LILRB5: variants seen among roughly 807,000 people sequenced by gnomAD.
LILRB5 encodes the protein leukocyte immunoglobulin-like receptor subfamily B member 5.
A neutral mutation model predicts 68.4 loss-of-function variants in LILRB5; 61 were observed. The ratio of observed to expected loss-of-function variants is 0.89; its 90% CI spans 0.73 to 1.10. The LOEUF (loss-of-function observed/expected upper bound fraction) is 1.10. Ranked by LOEUF, LILRB5 falls within the 50% of genes least tolerant of loss-of-function variation. The probability of loss-of-function intolerance (pLI) is 0.00; values close to 1 mark genes in which losing one functional copy is unlikely to be tolerated. For synonymous variants in LILRB5, 356 were observed against 315.8 expected (o/e 1.13, Z -1.35); for missense variants, 771 against 751.6 (o/e 1.03, Z -0.30).
chr19:54,252,182 G>A, intron 11 of LILRB5, 76 bp from the exon 12 acceptor site: 3 of 1,549,192 alleles, frequency 1.9e-6, no homozygotes, highest in Non-Finnish European at 2.7e-6. Flanking sequence ...CCCTTGCCCT[G>A]TTCCCACTAG....
In LILRB5 at chr19:54,256,277, T is replaced by C; in HGVS notation, c.421A>G (p.Thr141Ala). Residue 141 changes from threonine to alanine, a missense_variant, in exon 4 of 13, where the codon ACC becomes GCC. Physicochemically the swap from Thr to Ala is moderately conservative, Grantham distance 58. Coordinates refer to ENST00000449561, the MANE Select transcript of LILRB5 (RefSeq NM_001081442.3). Reference sequence around the variant, plus strand: ...CCGTCCAGTGTATCACACTGGAGGGTCACATTTCCTCCTGAGGCCACCACA... The same window carrying C: ...CCGTCCAGTGTATCACACTGGAGGGCCACATTTCCTCCTGAGGCCACCACA... ...SPVVASGGNV[T>A]LQCDTLDGLL... 3 of 1,613,354 alleles carry C rather than the reference T, an allele frequency of 1.9e-6. No individual in the cohort carries two copies. Among genetic ancestry groups the C allele is most frequent in the Non-Finnish European group, 2.5e-6 (3 of 1,179,862 alleles).
At position 54,256,651 on chromosome 19, in the gene LILRB5, G is replaced by C. The variant is rs1345341104; in HGVS notation, c.193C>G (p.Leu65Val). ...TEEYRLDKEG[L>V]PWARKRQNPL... ...TTCTGTCTCTTCCGGGCCCATGGGA[G>C]TCCCTCCTTATCCAGACGGTACTCC... The change falls in exon 3 of 13, where the codon CTC becomes GTC. Residue 65 changes from leucine (L) to valine (V), a missense_variant. Coordinates refer to ENST00000449561, the MANE Select transcript of LILRB5 (RefSeq NM_001081442.3). 6.2e-7 allele frequency: 1 copy of C among 1,614,046 alleles called. No homozygotes were observed. The highest frequency in any genetic ancestry group is 8.5e-7 in the Non-Finnish European group (1 of 1,180,012).
chr19:54,252,207 A>T, intron 11 of LILRB5, 101 bp from the exon 12 acceptor site: 1 of 1,489,944 alleles, frequency 6.7e-7, no homozygotes, highest in Non-Finnish European at 9.3e-7. Context: ...GCTGAGATCC[A>T]GGGAGGGACT....
chr19:54,253,745 G>A (rs947924127), intron 8 of LILRB5: 45 of 1,216,404 alleles, frequency 3.7e-5, no homozygotes, highest in Non-Finnish European at 5.0e-5. Context: ...GCGGAGCCCC[G>A]GAGCTGCAGG....
At position 54,256,145 on chromosome 19, in the gene LILRB5, C is replaced by G. The variant is rs746812552; in HGVS notation, c.553G>C (p.Val185Leu). The G allele has an allele frequency of 6.2e-7, 1 of 1,611,160 alleles. No homozygotes were observed. Among genetic ancestry groups the G allele is most frequent in the Non-Finnish European group, 8.5e-7 (1 of 1,178,814 alleles). The stretch of plus-strand genomic sequence containing the variant: ...AACCTCCACCTGCAGCTGGGGGTCA[C>G]GGGACCCACAGGGAACAGGGCCTGG... ...PSQALFPVGP[V>L]TPSCRWRFRC... is the part of the protein sequence containing the mutation. The change falls in exon 4 of 13, where the codon GTG (valine) becomes CTG (leucine). Residue 185 changes from valine (V) to leucine (L), a missense_variant. Coordinates refer to ENST00000449561, the MANE Select transcript of LILRB5 (RefSeq NM_001081442.3).
In LILRB5 at chr19:54,254,795, T is replaced by C; in HGVS notation, c.1195A>G (p.Ile399Val). Residue 399 changes from isoleucine (I) to valine (V), a missense_variant, in exon 6 of 13, where the codon ATC becomes GTC. Physicochemically the swap from Ile to Val is conservative, Grantham distance 29. Transcript: ENST00000449561. ...GACAGCAGGTAGGGGTAGGACCTGA[T>C]TGCGCTGTAGCATCGGTAGGTTCCA... is the stretch of plus-strand genomic sequence containing the variant. ...QGGTYRCYSAIRSYPYLLSSP... is the reference protein window; with the variant it reads ...QGGTYRCYSAVRSYPYLLSSP... 1 of 1,614,062 alleles carries C rather than the reference T, an allele frequency of 6.2e-7. No individual in the cohort carries two copies. Among genetic ancestry groups the C allele is most frequent in the Non-Finnish European group, 8.5e-7 (1 of 1,179,974 alleles).
intron 8 of LILRB5, chr19:54,253,459 T>C (rs769259193): frequency 6.5e-5 from 15 of 232,312 alleles, no homozygotes; most frequent in Admixed American, 3.5e-4. Context: ...CATACTCCCA[T>C]GCAGAACCTG....
Position 54,257,209 on chromosome 19 carries a change from T to C in LILRB5, c.-16A>G. 1 of 1,614,140 alleles carries C rather than the reference T, an allele frequency of 6.2e-7. No homozygotes were observed. Among genetic ancestry groups the C allele is most frequent in the South Asian group, 1.1e-5 (1 of 91,080 alleles). On this transcript the variant is annotated 5_prime_UTR_variant, in exon 1 of 13. Transcript: ENST00000449561. Reference sequence around the variant, plus strand: ...TGAGGGTCATGGCGTCAGCTCCCACTGGACTCAGCTGTGCAGGCGGATGAG... The same window carrying C: ...TGAGGGTCATGGCGTCAGCTCCCACCGGACTCAGCTGTGCAGGCGGATGAG...
At chr19:54,252,454 G>T (rs781013496) in intron 10 of LILRB5, 32 bp downstream of exon 10, 1 of 1,614,092 alleles carries the variant, frequency 6.2e-7, no homozygotes, top group Middle Eastern at 1.7e-4. Flanking sequence ...TGTGCGGGTG[G>T]ATGGGAGTCT....
Position 54,250,758 on chromosome 19 carries a change from T to G in LILRB5, c.*28A>C. On this transcript the variant is annotated 3_prime_UTR_variant, in exon 13 of 13. Coordinates refer to ENST00000449561, the MANE Select transcript of LILRB5 (RefSeq NM_001081442.3). ...CTGGAGTCTCTGAGTCTCCTTCTGT[T>G]GAGTATGAGATCTGGGTCCCCCGTG... The G allele has an allele frequency of 6.2e-7, 1 of 1,613,676 alleles. No homozygotes were observed. Among genetic ancestry groups the G allele is most frequent in the Non-Finnish European group, 8.5e-7 (1 of 1,179,752 alleles).
chr19:54,252,129 T>A (rs764634022), intron 11 of LILRB5, 23 bp from the exon 12 acceptor site: 1 of 1,613,436 alleles, frequency 6.2e-7, no homozygotes, highest in Non-Finnish European at 8.5e-7. Context: ...AGCAAGGGGT[T>A]CATCTCCTGG....
chr19:54,256,616 C>T lies in LILRB5; in HGVS notation c.228G>A (p.Glu76=). The part of the protein sequence containing the change: ...PWARKRQNPL[E]PGAKAKFHIP... Reference sequence around the variant, plus strand: ...TGTGGAACTTGGCCTTGGCTCCAGGCTCCAGTGGGTTCTGTCTCTTCCGGG... The same window carrying T: ...TGTGGAACTTGGCCTTGGCTCCAGGTTCCAGTGGGTTCTGTCTCTTCCGGG... Residue 76 remains glutamate (E), a synonymous_variant, in exon 3 of 13, where the codon GAG becomes GAA. Coordinates refer to ENST00000449561, the MANE Select transcript of LILRB5 (RefSeq NM_001081442.3). 6.2e-7 allele frequency: 1 copy of T among 1,614,190 alleles called. No homozygotes were observed. Among genetic ancestry groups the T allele is most frequent in the Non-Finnish European group, 8.5e-7 (1 of 1,180,008 alleles).
At position 54,249,433 on chromosome 19, in the gene LILRB5, G is replaced by A. The variant is rs997002549; in HGVS notation, c.*1353C>T. ...TTATATAAAATAATTAGAAGACATA[G>A]AAAAATCAGATTTAATGAACACAAT... On this transcript the variant is annotated 3_prime_UTR_variant, in exon 13 of 13. Transcript: ENST00000449561. The A allele has an allele frequency of 1.3e-5, 2 of 151,978 alleles. No homozygotes were observed. The highest frequency in any genetic ancestry group is 4.8e-5 in the African/African-American group (2 of 41,386). The allele number at this position is 151,978 out of a possible 1,614,324, so 9.4% of individuals were successfully genotyped here. A position where few individuals can be genotyped will look rare whatever the true frequency, so the allele number is the denominator to read the frequency against.
Position 54,256,763 on chromosome 19 carries a change from G to A in LILRB5, c.81C>T (p.Pro27=). Residue 27 remains proline (P), a synonymous_variant, in exon 3 of 13, where the codon CCC becomes CCT. Coordinates refer to ENST00000449561, the MANE Select transcript of LILRB5 (RefSeq NM_001081442.3). ...PRTCVQAGTL[P]KPTLWAEPAS... Reference sequence around the variant, plus strand: ...CTGGCTCAGCCCAGAGGGTGGGTTTGGGGAGGGTGCCTAGAATGGAATCAG... The same window carrying A: ...CTGGCTCAGCCCAGAGGGTGGGTTTAGGGAGGGTGCCTAGAATGGAATCAG... 1 of 1,613,848 alleles carries A rather than the reference G, an allele frequency of 6.2e-7. No homozygotes were observed. Among genetic ancestry groups the A allele is most frequent in the Non-Finnish European group, 8.5e-7 (1 of 1,179,970 alleles).
rs569631609 is a variant in LILRB5, at chr19:54,255,290, G to A, written c.948C>T (p.Ile316=). The part of the protein sequence containing the change: ...SAPSDPLDIL[I]AGLIPDIPAL... The stretch of plus-strand genomic sequence containing the variant: ...TGAACCCGCTGGGCTCCTCACCTGC[G>A]ATCAGGATGTCCAGGGGGTCGCTGG... Residue 316 remains isoleucine, a synonymous_variant, in exon 5 of 13, where the codon ATC becomes ATT. Coordinates refer to ENST00000449561, the MANE Select transcript of LILRB5 (RefSeq NM_001081442.3). The A allele has an allele frequency of 8.1e-6, 13 of 1,612,954 alleles. No individual in the cohort carries two copies. Among genetic ancestry groups the A allele is most frequent in the South Asian group, 6.6e-5 (6 of 91,066 alleles).
At position 54,254,810 on chromosome 19, in the gene LILRB5, G is replaced by A. The variant is rs563580680; in HGVS notation, c.1180C>T (p.Arg394Ter). 2.5e-5 allele frequency: 41 copies of A among 1,614,022 alleles called. No homozygotes were observed. Among genetic ancestry groups the A allele is most frequent in the South Asian group, 1.9e-4 (17 of 91,084 alleles). The change falls in exon 6 of 13, where the codon CGA (arginine) becomes TGA (stop). Residue 394 changes from arginine (R) to a stop codon, truncating the protein, a stop_gained. Transcript: ENST00000449561. LOFTEE classifies it high-confidence loss of function. ...TAGGACCTGATTGCGCTGTAGCATC[G>A]GTAGGTTCCACCCTGGGCTGAGGTC... ...PVTSAQGGTY[R>*]CYSAIRSYPY...
rs201173864 is a variant in LILRB5 at position 54,255,505 on chromosome 19, G to A, written c.733C>T (p.Arg245Cys). 8 of 1,614,044 alleles carry A rather than the reference G, an allele frequency of 5.0e-6. No individual in the cohort carries two copies. Among genetic ancestry groups the A allele is most frequent in the Admixed American group, 3.3e-5 (2 of 60,016 alleles). Residue 245 changes from arginine (R) to cysteine (C), a missense_variant, in exon 5 of 13, where the codon CGC (arginine) becomes TGC (cysteine). Transcript: ENST00000449561. ...ARGGSLTLQC[R>C]SDVGYDIFVL... ...AATATGTCATAGCCGACATCAGAGC[G>A]ACACTGCAGGGTCAGGCTGCCTCCG... is the stretch of plus-strand genomic sequence containing the variant.
In LILRB5 at chr19:54,253,002, C is replaced by G; in HGVS notation, c.1358-15G>C. ...CCTTCCCAGACCTTGAGCGTGATGA[C>G]GTTGGGAATGGGGATGACGTCATTG... On this transcript the variant is annotated splice_polypyrimidine_tract_variant and intron_variant, in intron 8 of 12. Transcript: ENST00000449561. 1 of 1,521,812 alleles carries G rather than the reference C, an allele frequency of 6.6e-7. No individual in the cohort carries two copies. Among genetic ancestry groups the G allele is most frequent in the East Asian group, 2.8e-5 (1 of 35,986 alleles). The allele number at this position is 1,521,812 out of a possible 1,614,324, so 94.3% of individuals were successfully genotyped here.
intron 9 of LILRB5, 27 bp from the exon 10 acceptor site, chr19:54,252,576 G>A (rs1282847672): frequency 6.2e-7 from 1 of 1,612,712 alleles, no homozygotes; most frequent in Non-Finnish European, 8.5e-7. Context: ...AGAGGGTCAG[G>A]CCTGGGAGAA....
Sources: gnomAD v4.1 joint callset for allele counts on GRCh38, gnomAD v4.1.1 for gene constraint, MANE v1.5 for transcripts, NCBI Gene and HGNC (gene_info 2026-07-23, HGNC 2026-07-21) for gene names.